The following HMGA2 variants were observed in gnomAD, a reference collection of about 807,000 sequenced individuals.
HMGA2 encodes high mobility group protein HMGI-C.
Under a neutral mutation model 19.1 loss-of-function variants are expected in HMGA2, and 8 were observed. That is an observed-to-expected ratio of 0.42 (90% confidence interval 0.25 to 0.76). HMGA2 has a LOEUF of 0.76. Among genes scored for constraint, HMGA2 ranks in the 30% least tolerant of loss-of-function variants. HMGA2 has a pLI of 0.28. For missense variants in HMGA2, 109 were observed against 136.3 expected (o/e 0.80, Z 1.00); for synonymous variants, 60 against 48.8 (o/e 1.23, Z -0.96).
At chr12:65,926,178 A>G (rs562087046) in intron 3 of HMGA2, among the ~76,000 whole-genome samples, 3 of 152,330 alleles carry the variant, frequency 2.0e-5, no homozygotes, top group African/African-American at 7.2e-5. Context: ...GGATTTTTGA[A>G]AAGTGTTAAC....
intron 3 of HMGA2, among the ~76,000 whole-genome samples, chr12:65,922,903 T>C (rs960005229): frequency 1.3e-5 from 2 of 152,150 alleles, no homozygotes; most frequent in Non-Finnish European, 2.9e-5. Context: ...TTTTGCCTCT[T>C]CCTCATTTTC....
intron 3 of HMGA2, among the ~76,000 whole-genome samples, chr12:65,898,374 G>A (rs1874223369): frequency 1.3e-5 from 2 of 151,960 alleles, no homozygotes; most frequent in South Asian, 2.1e-4. Context: ...CATAAACTCA[G>A]GGTTCAGATC....
At chr12:65,829,072 C>T (rs1412598548) in intron 2 of HMGA2, 2 of 152,088 alleles carry the variant, frequency 1.3e-5, no homozygotes, top group Admixed American at 6.5e-5. Context: ...GTTTTGGGTA[C>T]TCCATGTACA....
At chr12:65,947,283 C>T (rs936218105) in intron 3 of HMGA2, among the ~76,000 whole-genome samples, 1 of 152,060 alleles carries the variant, frequency 6.6e-6, no homozygotes, top group African/African-American at 2.4e-5. Context: ...CTATACCTGG[C>T]TAATTATTTT....
At chr12:65,886,384 G>A (rs1309638420) in intron 3 of HMGA2, among the ~76,000 whole-genome samples, 2 of 144,104 alleles carry the variant, frequency 1.4e-5, no homozygotes, top group East Asian at 2.0e-4. Context: ...TTTTGAGACC[G>A]AGTCTCCCTC....
intron 3 of HMGA2, among the ~76,000 whole-genome samples, chr12:65,860,922 G>C (rs1380456176): frequency 6.6e-6 from 1 of 152,162 alleles, no homozygotes; most frequent in Non-Finnish European, 1.5e-5. Context: ...TATCTTACTA[G>C]GCCTGGTTCA....
chr12:65,855,027 G>A (rs1032028877), intron 3 of HMGA2, among the ~76,000 whole-genome samples: 1 of 152,164 alleles, frequency 6.6e-6, no homozygotes, highest in Non-Finnish European at 1.5e-5. Flanking sequence ...GCCAACTTCA[G>A]AGGCCAGGAA....
At chr12:65,957,299 T>TA (rs1876631696) in intron 4 of HMGA2, 1 of 152,138 alleles carries the variant, frequency 6.6e-6, no homozygotes, top group Non-Finnish European at 1.5e-5. Flanking sequence ...CTACTTTGCA[T>TA]AAAAATAAGA....
In HMGA2 at chr12:65,875,589, A is replaced by ATTTTTTTTTTTTTT; in HGVS notation, c.249+37048_249+37061dup. On this transcript the variant is annotated intron_variant, in intron 3 of 4. Coordinates refer to ENST00000403681, the MANE Select transcript of HMGA2 (RefSeq NM_003483.6). Reference sequence around the variant, plus strand: ...CGGGCATATGCCACCGTGCCCGGCTATTTTTTTTTTTTTTTTTTTTTTTTT... The same window carrying ATTTTTTTTTTTTTT: ...CGGGCATATGCCACCGTGCCCGGCTATTTTTTTTTTTTTTTTTTTTTTTTTTTTTTTTTTTTTTT... Among the ~76,000 whole-genome samples the ATTTTTTTTTTTTTT allele has an allele frequency of 4.0e-3, 104 of 26,104 alleles. 38 individuals are homozygous for ATTTTTTTTTTTTTT. The highest frequency in any genetic ancestry group is 6.8e-3 in the Admixed American group (10 of 1,474). The allele number at this position is 26,104 out of a possible 152,430, so 17.1% of individuals were successfully genotyped here. A position where few individuals can be genotyped will look rare whatever the true frequency, so the allele number is the denominator to read the frequency against.
chr12:65,825,007 A>G lies in HMGA2; in HGVS notation c.-264A>G. ...ACCGCCACCTCCACCTCCGGCACCC[A>G]CCCACCGCCGCCGCCGCCACCGGCA... On this transcript the variant is annotated 5_prime_UTR_variant, in exon 1 of 5. Transcript: ENST00000403681. The surrounding 1 kb of genome is among the most constrained non-coding windows in gnomAD (Gnocchi z 4.4). The G allele has an allele frequency of 2.4e-6, 1 of 413,374 alleles. No homozygotes were observed. Among genetic ancestry groups the G allele is most frequent in the Non-Finnish European group, 4.3e-6 (1 of 232,666 alleles). The allele number at this position is 413,374 out of a possible 1,614,324, so 25.6% of individuals were successfully genotyped here.
intron 2 of HMGA2, among the ~76,000 whole-genome samples, chr12:65,833,082 T>C (rs1171453647): frequency 1.3e-5 from 2 of 151,990 alleles, no homozygotes; most frequent in Non-Finnish European, 2.9e-5. Context: ...CTACAATGGG[T>C]GATGGAAATT....
intron 2 of HMGA2, among the ~76,000 whole-genome samples, chr12:65,832,645 T>G (rs973874258): frequency 6.6e-6 from 1 of 152,080 alleles, no homozygotes; most frequent in Non-Finnish European, 1.5e-5. Context: ...TCACTGATTC[T>G]GAAGGTTTTA....
chr12:65,922,326 C>T (rs986016431), intron 3 of HMGA2, among the ~76,000 whole-genome samples: 9 of 152,178 alleles, frequency 5.9e-5, no homozygotes, highest in Admixed American at 2.0e-4. Context: ...TGCCTAAGAC[C>T]GTAGGAACCA....
At chr12:65,831,502 A>T (rs1870476492) in intron 2 of HMGA2, among the ~76,000 whole-genome samples, 1 of 151,898 alleles carries the variant, frequency 6.6e-6, no homozygotes, top group Non-Finnish European at 1.5e-5. Context: ...TCATCATGTC[A>T]TATATTTGTT....
intron 3 of HMGA2, among the ~76,000 whole-genome samples, chr12:65,887,603 G>A (rs1417940500): frequency 2.6e-5 from 4 of 151,944 alleles, no homozygotes; most frequent in African/African-American, 4.8e-5. Context: ...CGAGCCTGTA[G>A]TCCCAGCAAC....
intron 3 of HMGA2, among the ~76,000 whole-genome samples, chr12:65,932,628 CAGAT>C (rs1875755902): frequency 6.6e-6 from 1 of 152,210 alleles, no homozygotes; most frequent in Non-Finnish European, 1.5e-5. Context: ...AGTACCATGA[CAGAT>C]AGAGCTATTT....
At position 65,964,288 on chromosome 12, in the gene HMGA2, C is replaced by CA. The variant is rs772055044; in HGVS notation, c.*1008dup. ...TATAGTTATACATCAATTTAAAAAG[C>CA]AAAAAAAAAAAAGGGGGGGGCAATC... On this transcript the variant is annotated 3_prime_UTR_variant, in exon 5 of 5. Coordinates refer to ENST00000403681, the MANE Select transcript of HMGA2 (RefSeq NM_003483.6). 0.012 allele frequency: 1,790 copies of CA among 154,920 alleles called. No homozygotes were observed. Among genetic ancestry groups the CA allele is most frequent in the East Asian group, 0.024 (240 of 10,142 alleles). 9.6% of individuals were successfully genotyped at this position (154,920 alleles called of 1,614,324 possible).
At chr12:65,853,618 G>A (rs930216475) in intron 3 of HMGA2, among the ~76,000 whole-genome samples, 1 of 152,112 alleles carries the variant, frequency 6.6e-6, no homozygotes, top group African/African-American at 2.4e-5. Context: ...CCATTGACTC[G>A]CTTAATCGTT....
intron 3 of HMGA2, among the ~76,000 whole-genome samples, chr12:65,872,248 T>C (rs1332200798): frequency 6.6e-6 from 1 of 152,162 alleles, no homozygotes; most frequent in Non-Finnish European, 1.5e-5. Flanking sequence ...TTCTGAAATA[T>C]CTGACACATC....
Sources: allele counts gnomAD v4.1 joint callset (sites outside exome capture counted in the v4.1 genomes callset), GRCh38; gene constraint gnomAD v4.1.1; non-coding constraint Gnocchi (gnomAD v3.1); transcripts MANE v1.5; gene names NCBI Gene and HGNC (gene_info 2026-07-23, HGNC 2026-07-21).